The following DPP10 variants were observed in gnomAD, a reference collection of about 807,000 sequenced individuals.
The protein encoded by DPP10 is inactive dipeptidyl peptidase 10.
Under a neutral mutation model 120.9 loss-of-function variants are expected in DPP10, and 33 were observed. That is an observed-to-expected ratio of 0.27 (90% CI 0.21 to 0.37). The LOEUF (loss-of-function observed/expected upper bound fraction) is 0.37, where lower values mean the gene tolerates loss of function less well. Ranked by LOEUF, DPP10 falls within the 10% of genes least tolerant of loss-of-function variation. DPP10 has a pLI of 1.00. For missense variants in DPP10, 816 were observed against 942.8 expected (o/e 0.87, Z 1.76); for synonymous variants, 337 against 326.1 (o/e 1.03, Z -0.36).
chr2:114,802,667 T>C (rs965423201), intron 1 of DPP10, among the ~76,000 whole-genome samples: 1 of 152,136 alleles, frequency 6.6e-6, no homozygotes, highest in African/African-American at 2.4e-5. Context: ...GAAGAGACCA[T>C]GGGAGTCAGG....
At chr2:115,215,198 G>A (rs977905278) in intron 1 of DPP10, among the ~76,000 whole-genome samples, 1 of 152,118 alleles carries the variant, frequency 6.6e-6, no homozygotes, top group African/African-American at 2.4e-5. Flanking sequence ...TGGTAAATAC[G>A]TTGTGCTTCC....
At chr2:115,458,002 A>G (rs2073713119) in intron 3 of DPP10, among the ~76,000 whole-genome samples, 1 of 152,166 alleles carries the variant, frequency 6.6e-6, no homozygotes, top group Admixed American at 6.6e-5. Context: ...TGTGGCTACT[A>G]TAAGATGGAT....
At chr2:114,959,678 G>A (rs1478626542) in intron 1 of DPP10, among the ~76,000 whole-genome samples, 1 of 152,122 alleles carries the variant, frequency 6.6e-6, no homozygotes, top group African/African-American at 2.4e-5. Context: ...ATACCACACT[G>A]CCAACAGCAA....
intron 1 of DPP10, among the ~76,000 whole-genome samples, chr2:115,011,749 T>G: frequency 6.6e-6 from 1 of 152,166 alleles, no homozygotes; most frequent in East Asian, 1.9e-4. Flanking sequence ...CAAGAACTAC[T>G]GCAAGAATGT....
At chr2:114,568,022 T>TAA (rs1055934233) in intron 1 of DPP10, among the ~76,000 whole-genome samples, 1 of 110,818 alleles carries the variant, frequency 9.0e-6, no homozygotes, top group South Asian at 2.9e-4. Context: ...AACTTAAAAT[T>TAA]AAAAAAAAAG....
At chr2:114,589,808 G>T (rs1691305812) in intron 1 of DPP10, among the ~76,000 whole-genome samples, 1 of 151,360 alleles carries the variant, frequency 6.6e-6, no homozygotes, top group Non-Finnish European at 1.5e-5. Context: ...TAGTTACCCT[G>T]GCCAAGATGA....
chr2:114,532,319 A>G (rs1269480392), intron 1 of DPP10, among the ~76,000 whole-genome samples: 1 of 143,414 alleles, frequency 7.0e-6, no homozygotes, highest in Non-Finnish European at 1.5e-5. Flanking sequence ...ACACACACAG[A>G]TACACACCAT....
At chr2:114,480,254 A>G (rs79531202) in intron 1 of DPP10, among the ~76,000 whole-genome samples, 150,858 of 150,886 alleles carry the variant, frequency 1, 75,415 homozygotes, top group Non-Finnish European at 1. Flanking sequence ...TTACACTGTT[A>G]GTGGGACTGT....
intron 1 of DPP10, among the ~76,000 whole-genome samples, chr2:114,804,165 G>C (rs1684519187): frequency 1.3e-5 from 2 of 152,242 alleles, no homozygotes; most frequent in African/African-American, 4.8e-5. Context: ...CTTCCATGTG[G>C]TGTTGAGGCT....
rs146900692 is a variant in DPP10, at chr2:114,924,234, A to T, written c.61-385005A>T. Reference sequence around the variant, plus strand: ...TACTATTCGGTTGAGATCTGCAGGCACTTTTACTTTGTAAAATGGTCTTGC... The same window carrying T: ...TACTATTCGGTTGAGATCTGCAGGCTCTTTTACTTTGTAAAATGGTCTTGC... On this transcript the variant is annotated intron_variant, in intron 1 of 25. Coordinates refer to ENST00000410059, the MANE Select transcript of DPP10 (RefSeq NM_020868.6). Among the ~76,000 whole-genome samples the T allele has an allele frequency of 2.0e-3, 304 of 152,268 alleles. 1 individual carries two copies. The highest frequency in any genetic ancestry group is 0.014 in the Middle Eastern group (4 of 294).
intron 5 of DPP10, among the ~76,000 whole-genome samples, chr2:115,550,371 C>T (rs1006536831): frequency 6.6e-6 from 1 of 152,046 alleles, no homozygotes; most frequent in Admixed American, 6.6e-5. Context: ...TGTAACATTG[C>T]TATTGTCATT....
At chr2:115,083,410 C>T (rs1017211504) in intron 1 of DPP10, among the ~76,000 whole-genome samples, 6 of 152,190 alleles carry the variant, frequency 3.9e-5, no homozygotes, top group African/African-American at 1.4e-4. Flanking sequence ...CTGCGTTCTT[C>T]TCTGCCATCT....
At chr2:115,326,960 G>A (rs2062403475) in intron 2 of DPP10, among the ~76,000 whole-genome samples, 1 of 151,978 alleles carries the variant, frequency 6.6e-6, no homozygotes, top group Non-Finnish European at 1.5e-5. Flanking sequence ...GTAGTGTGCA[G>A]TAATATCTTA....
chr2:115,519,482 G>A (rs1375504906), intron 4 of DPP10, among the ~76,000 whole-genome samples: 2 of 152,090 alleles, frequency 1.3e-5, no homozygotes, highest in Non-Finnish European at 2.9e-5. Context: ...TGTCAGGAAA[G>A]AGATATAATT....
chr2:115,680,963 A>G (rs1476440218), intron 5 of DPP10, among the ~76,000 whole-genome samples: 1 of 151,954 alleles, frequency 6.6e-6, no homozygotes, highest in Admixed American at 6.6e-5. Context: ...TTCAAGCTCA[A>G]TCATAAACTA....
Position 114,767,434 on chromosome 2 carries a change from G to T in DPP10, c.60+324596G>T, listed in dbSNP as rs561763887. Among the ~76,000 whole-genome samples, 94 of 151,784 alleles carry T rather than the reference G, an allele frequency of 6.2e-4. 1 individual carries two copies. The highest frequency in any genetic ancestry group is 9.0e-4 in the Non-Finnish European group (61 of 67,934). On this transcript the variant is annotated intron_variant, in intron 1 of 25. Transcript: ENST00000410059. ...AAATTTTAAAAAATAGTAATTTATA[G>T]TACCAAAAAATGATGAATGATATGA...
At chr2:114,760,650 C>T (rs1680200972) in intron 1 of DPP10, among the ~76,000 whole-genome samples, 1 of 151,944 alleles carries the variant, frequency 6.6e-6, no homozygotes, top group Non-Finnish European at 1.5e-5. Flanking sequence ...ACATTTGCTG[C>T]CCTGTAGCAT....
intron 3 of DPP10, among the ~76,000 whole-genome samples, chr2:115,465,936 G>A (rs1194865131): frequency 6.6e-6 from 1 of 152,092 alleles, no homozygotes; most frequent in Non-Finnish European, 1.5e-5. Context: ...TTTCCCAAGT[G>A]AATTAACTTT....
Position 115,844,712 on chromosome 2 carries a change from T to C in DPP10, c.*2367T>C, listed in dbSNP as rs1342453294. On this transcript the variant is annotated 3_prime_UTR_variant, in exon 26 of 26. Transcript: ENST00000410059. ...TTGCTAGATTTTCCTAGGACTCCAA[T>C]AGCATGCTTTCCAAGTGTTATTATT... 6.6e-6 allele frequency: 1 copy of C among 152,148 alleles called. No individual in the cohort carries two copies. Among genetic ancestry groups the C allele is most frequent in the African/African-American group, 2.4e-5 (1 of 41,442 alleles). 9.4% of individuals were successfully genotyped at this position (152,148 alleles called of 1,614,324 possible).
Sources: gnomAD v4.1 joint callset for allele counts (sites outside exome capture counted in the v4.1 genomes callset) on GRCh38, gnomAD v4.1.1 for gene constraint, MANE v1.5 for transcripts, NCBI Gene and HGNC (gene_info 2026-07-23, HGNC 2026-07-21) for gene names.